CCDC73: variants seen among roughly 807,000 people sequenced by gnomAD.
CCDC73 encodes coiled-coil domain-containing protein 73.
Under a neutral mutation model 116.5 loss-of-function variants are expected in CCDC73, and 95 were observed. That is an observed-to-expected ratio of 0.82 (90% confidence interval 0.69 to 0.97). The LOEUF is 0.97. CCDC73 is among the 50% of genes least tolerant of loss of function. The pLI, the probability that CCDC73 is intolerant of heterozygous loss-of-function variation, is 0.00. For synonymous variants in CCDC73, 398 were observed against 401.3 expected, an observed-to-expected ratio of 0.99 and a Z score of 0.10; for missense variants, 1,066 against 1,206.8, an observed-to-expected ratio of 0.88 and a Z score of 1.73.
chr11:32,742,112 T>C (rs1359710916), intron 2 of CCDC73, among the ~76,000 whole-genome samples: 1 of 152,206 alleles, frequency 6.6e-6, no homozygotes, highest in Non-Finnish European at 1.5e-5. Context: ...AGTGCCGCAA[T>C]AAACATACGT....
At position 32,613,605 on chromosome 11, in the gene CCDC73, A is replaced by G; in HGVS notation, c.2713T>C (p.Ser905Pro). The G allele has an allele frequency of 1.2e-6, 2 of 1,614,136 alleles. No homozygotes were observed. The highest frequency in any genetic ancestry group is 1.7e-6 in the Non-Finnish European group (2 of 1,180,010). Residue 905 changes from serine (S) to proline (P), a missense_variant, in exon 16 of 18, where the codon TCA becomes CCA. Ser to Pro is a moderately conservative substitution (Grantham distance 74). Coordinates refer to ENST00000335185, the MANE Select transcript of CCDC73 (RefSeq NM_001008391.4). ...ACTTTTGACCAAGGACCGGGGTCTG[A>G]AAAATTCATGTATACTGGAGTTTTC... ...TEKTPVYMNF[S>P]DPGPWSKVNH... is the part of the protein sequence containing the mutation.
At chr11:32,620,609 TCA>T (rs1491463409) in intron 14 of CCDC73, among the ~76,000 whole-genome samples, 1 of 21,948 alleles carries the variant, frequency 4.6e-5, no homozygotes, top group African/African-American at 3.3e-4. Flanking sequence ...AGACTCAGTC[TCA>T]AAAAAAAAAA....
chr11:32,686,753 GC>G (rs1342505019), intron 6 of CCDC73, among the ~76,000 whole-genome samples: 1 of 151,956 alleles, frequency 6.6e-6, no homozygotes, highest in Non-Finnish European at 1.5e-5. Context: ...CTAGAGCATT[GC>G]CCAACTAATA....
intron 1 of CCDC73, among the ~76,000 whole-genome samples, chr11:32,774,866 C>CATGT (rs1850520165): frequency 6.6e-6 from 1 of 152,052 alleles, no homozygotes; most frequent in Admixed American, 6.6e-5. Flanking sequence ...GACATGGAAA[C>CATGT]CAACAGTGTG....
chr11:32,755,849 ATG>A (rs1233703455), intron 2 of CCDC73, among the ~76,000 whole-genome samples: 1 of 133,946 alleles, frequency 7.5e-6, no homozygotes, highest in African/African-American at 2.8e-5. Context: ...CTCCATATAT[ATG>A]TGTGTGTATA....
intron 1 of CCDC73, among the ~76,000 whole-genome samples, chr11:32,768,965 GGT>G (rs1565097593): frequency 6.6e-6 from 1 of 152,090 alleles, no homozygotes; most frequent in African/African-American, 2.4e-5. Context: ...CCCAGGAAAA[GGT>G]ACTAGCTTCA....
At chr11:32,692,928 G>C (rs565442075) in intron 6 of CCDC73, among the ~76,000 whole-genome samples, 1 of 152,306 alleles carries the variant, frequency 6.6e-6, no homozygotes, top group African/African-American at 2.4e-5. Flanking sequence ...CATAAGTAAA[G>C]TTTTATTTGT....
At chr11:32,768,379 A>G in intron 1 of CCDC73, among the ~76,000 whole-genome samples, 1 of 152,158 alleles carries the variant, frequency 6.6e-6, no homozygotes, top group East Asian at 1.9e-4. Context: ...ATAAATGACG[A>G]GTTAATGGGT....
chr11:32,710,907 A>C (rs1849895111), intron 3 of CCDC73, among the ~76,000 whole-genome samples: 1 of 152,242 alleles, frequency 6.6e-6, no homozygotes, highest in African/African-American at 2.4e-5. Flanking sequence ...TGCACAGCAA[A>C]AGAAATAATC....
At chr11:32,708,995 A>G (rs1849877318) in intron 3 of CCDC73, among the ~76,000 whole-genome samples, 1 of 152,162 alleles carries the variant, frequency 6.6e-6, no homozygotes. Context: ...CAGTTCTCAG[A>G]GGGAATGTTT....
intron 13 of CCDC73, among the ~76,000 whole-genome samples, chr11:32,637,017 CTTTT>C: frequency 1.1e-5 from 1 of 87,940 alleles, no homozygotes; most frequent in South Asian, 4.4e-4. Context: ...TTTTCTTTTT[CTTTT>C]TTTTTTTTTT....
At position 32,653,114 on chromosome 11, in the gene CCDC73, A is replaced by G; in HGVS notation, c.939+9T>C. The G allele has an allele frequency of 6.5e-7, 1 of 1,527,412 alleles. No individual in the cohort carries two copies. Among genetic ancestry groups the G allele is most frequent in the Non-Finnish European group, 9.0e-7 (1 of 1,105,496 alleles). 94.6% of individuals were successfully genotyped at this position (1,527,412 alleles called of 1,614,324 possible). A position where few individuals can be genotyped will look rare whatever the true frequency, so the allele number is the denominator to read the frequency against. ...TAGATAGACAGACAGACAGACAGAT[A>G]GAACGAACCTGATTATTTTCTTTTA... On this transcript the variant is annotated intron_variant, in intron 12 of 17. Coordinates refer to ENST00000335185, the MANE Select transcript of CCDC73 (RefSeq NM_001008391.4).
intron 1 of CCDC73, among the ~76,000 whole-genome samples, chr11:32,774,461 T>A (rs1455943424): frequency 6.6e-6 from 1 of 152,216 alleles, no homozygotes; most frequent in African/African-American, 2.4e-5. Flanking sequence ...CAATCTATTA[T>A]GTTTAATTTA....
chr11:32,713,823 C>G (rs1565082882), intron 3 of CCDC73, among the ~76,000 whole-genome samples: 1 of 151,976 alleles, frequency 6.6e-6, no homozygotes, highest in Non-Finnish European at 1.5e-5. Flanking sequence ...CTGAGGATGT[C>G]TCTGGTGTAC....
chr11:32,740,115 C>A (rs1016229830), intron 2 of CCDC73, among the ~76,000 whole-genome samples: 1 of 151,334 alleles, frequency 6.6e-6, no homozygotes, highest in Non-Finnish European at 1.5e-5. Flanking sequence ...CAATGTTCAT[C>A]AGAGATATTA....
intron 3 of CCDC73, among the ~76,000 whole-genome samples, chr11:32,712,264 G>A (rs1380643490): frequency 2.0e-5 from 3 of 152,228 alleles, no homozygotes; most frequent in East Asian, 3.9e-4. Context: ...AAGCTAGGGA[G>A]GTGGAGGCCT....
chr11:32,809,329 A>G, the CCDC73 span, among the ~76,000 whole-genome samples: 3 of 152,350 alleles, frequency 2.0e-5, no homozygotes, highest in East Asian at 5.8e-4. Flanking sequence ...GAGTAGATCC[A>G]GAAAATGGCA....
intron 17 of CCDC73, chr11:32,606,136 CT>C (rs1282948711): frequency 2.0e-5 from 3 of 152,182 alleles, no homozygotes; most frequent in Non-Finnish European, 4.4e-5. Context: ...AACATACCAT[CT>C]TTTCAAGTTA....
chr11:32,718,621 C>T (rs1419099605), intron 2 of CCDC73, among the ~76,000 whole-genome samples: 1 of 152,070 alleles, frequency 6.6e-6, no homozygotes, highest in Non-Finnish European at 1.5e-5. Flanking sequence ...GAAGAGCAGT[C>T]CCAAACCATC....
Sources: allele counts gnomAD v4.1 joint callset (sites outside exome capture counted in the v4.1 genomes callset), GRCh38; gene constraint gnomAD v4.1.1; transcripts MANE v1.5; gene names NCBI Gene and HGNC (gene_info 2026-07-23, HGNC 2026-07-21).